Variants in ADGRL3 observed in about 807,000 individuals in gnomAD.
ADGRL3 encodes the protein calcium-independent alpha-latrotoxin receptor 3.
Under a neutral mutation model 153.5 loss-of-function variants are expected in ADGRL3, and 62 were observed. The observed-to-expected ratio is 0.40, with a 90% CI of 0.33 to 0.50. The LOEUF is 0.50. ADGRL3 is among the 20% of genes least tolerant of loss of function. The pLI, the probability that ADGRL3 is intolerant of heterozygous loss-of-function variation, is 0.47. For synonymous variants in ADGRL3, 710 were observed against 672.5 expected (o/e 1.06, Z -0.86); for missense variants, 1,641 against 1,859.4 (o/e 0.88, Z 2.16).
intron 4 of ADGRL3, among the ~76,000 whole-genome samples, chr4:61,549,552 A>G (rs1449101733): frequency 1.3e-5 from 2 of 151,920 alleles, no homozygotes; most frequent in African/African-American, 4.8e-5. Context: ...AAACAGGTTT[A>G]CCAGTTACTC....
At chr4:61,401,925 A>G (rs2096934517) in intron 2 of ADGRL3, among the ~76,000 whole-genome samples, 1 of 152,076 alleles carries the variant, frequency 6.6e-6, no homozygotes, top group Non-Finnish European at 1.5e-5. Flanking sequence ...GTAAAGGGCC[A>G]GATAGTAAAC....
intron 9 of ADGRL3, among the ~76,000 whole-genome samples, chr4:61,841,117 C>T (rs927750323): frequency 3.3e-5 from 5 of 152,256 alleles, no homozygotes; most frequent in South Asian, 2.1e-4. Flanking sequence ...CTTACCTCCT[C>T]CCCCTTTCTT....
In ADGRL3 at chr4:61,369,047, T is replaced by G. The variant is rs375072839; in HGVS notation, c.-239-14077T>G. 8.1e-4 allele frequency among the ~76,000 whole-genome samples: 123 copies of G among 152,320 alleles called. 2 individuals carry two copies. The South Asian group carries it at 0.025, about 31-fold the overall frequency. On this transcript the variant is annotated intron_variant, in intron 1 of 26. Coordinates refer to ENST00000683033, the MANE Select transcript of ADGRL3 (RefSeq NM_001387552.1). ...TCTCTGTTTGTCTGTTGTTGGTGTA[T>G]AGGAATGCTTGTGATTTGTGCACAT...
intron 1 of ADGRL3, among the ~76,000 whole-genome samples, chr4:61,332,485 C>T (rs993146958): frequency 1.3e-5 from 2 of 151,898 alleles, no homozygotes; most frequent in Non-Finnish European, 2.9e-5. Flanking sequence ...GCTTATAACG[C>T]CTGAGGATCA....
intron 12 of ADGRL3, among the ~76,000 whole-genome samples, chr4:61,910,983 G>T (rs958792528): frequency 3.3e-5 from 5 of 150,656 alleles, no homozygotes; most frequent in African/African-American, 1.2e-4. Context: ...TTTTCATTCT[G>T]AGCATAAAGG....
At chr4:61,288,441 T>A (rs578041249) in intron 1 of ADGRL3, among the ~76,000 whole-genome samples, 3 of 152,110 alleles carry the variant, frequency 2.0e-5, no homozygotes, top group African/African-American at 7.2e-5. Flanking sequence ...TGCTGTTTTT[T>A]AAAAATCTCT....
At chr4:61,329,846 A>C (rs2150944781) in intron 1 of ADGRL3, among the ~76,000 whole-genome samples, 1 of 152,320 alleles carries the variant, frequency 6.6e-6, no homozygotes, top group East Asian at 1.9e-4. Context: ...TCAGAAAAGA[A>C]TCATTTGAGT....
At position 62,071,836 on chromosome 4, in the gene ADGRL3, G is replaced by T. The variant is rs968945736; in HGVS notation, c.*928G>T. ...TTTATAAGAATCATTTTCTAGTAATGCAAACAAATTATTTTTTACAAAAAA... is the reference window on the plus strand; with the variant it reads ...TTTATAAGAATCATTTTCTAGTAATTCAAACAAATTATTTTTTACAAAAAA... On this transcript the variant is annotated 3_prime_UTR_variant, in exon 27 of 27. Coordinates refer to ENST00000683033, the MANE Select transcript of ADGRL3 (RefSeq NM_001387552.1). 1.2e-5 allele frequency: 4 copies of T among 337,446 alleles called. No homozygotes were observed. The highest frequency in any genetic ancestry group is 8.9e-5 in the African/African-American group (4 of 44,880). The allele number at this position is 337,446 out of a possible 1,614,324, so 20.9% of individuals were successfully genotyped here.
chr4:61,889,724 C>T (rs2098558579), intron 9 of ADGRL3, among the ~76,000 whole-genome samples: 1 of 152,228 alleles, frequency 6.6e-6, no homozygotes, highest in African/African-American at 2.4e-5. Flanking sequence ...TAAACCCATG[C>T]TAAAATACAT....
At chr4:61,935,201 C>A (rs769387677) in intron 14 of ADGRL3, among the ~76,000 whole-genome samples, 178 bp downstream of exon 14, 8 of 152,158 alleles carry the variant, frequency 5.3e-5, no homozygotes, top group Admixed American at 2.0e-4. Flanking sequence ...GATACAAGAT[C>A]ATGTGTGCTA....
intron 1 of ADGRL3, among the ~76,000 whole-genome samples, chr4:61,346,034 T>G (rs941276553): frequency 1.1e-4 from 16 of 152,134 alleles, no homozygotes; most frequent in African/African-American, 3.9e-4. Flanking sequence ...GCCCAGCTGC[T>G]CCTGCGCTCA....
chr4:61,769,643 G>GTACTGACCCTTT (rs1487570235), intron 8 of ADGRL3, among the ~76,000 whole-genome samples: 2 of 152,076 alleles, frequency 1.3e-5, no homozygotes, highest in Non-Finnish European at 2.9e-5. Flanking sequence ...TCCGAAAAGG[G>GTACTGACCCTTT]TCAGTGAAGG....
At chr4:61,761,169 G>A (rs2096908276) in intron 8 of ADGRL3, among the ~76,000 whole-genome samples, 2 of 152,198 alleles carry the variant, frequency 1.3e-5, no homozygotes. Context: ...GGGAGGGTCA[G>A]AATCTTGTAG....
chr4:61,791,466 G>C (rs2097340988), intron 8 of ADGRL3, among the ~76,000 whole-genome samples: 1 of 152,214 alleles, frequency 6.6e-6, no homozygotes, highest in African/African-American at 2.4e-5. Flanking sequence ...CTCTACCCCT[G>C]TGGCTTTGCA....
At chr4:61,901,937 A>G (rs1420578089) in intron 11 of ADGRL3, among the ~76,000 whole-genome samples, 1 of 152,162 alleles carries the variant, frequency 6.6e-6, no homozygotes, top group Non-Finnish European at 1.5e-5. Context: ...TTTTAGTAGA[A>G]TTTAGTAAAA....
At chr4:62,031,655 A>G in intron 23 of ADGRL3, 45 bp downstream of exon 23, 2 of 1,371,478 alleles carry the variant, frequency 1.5e-6, no homozygotes, top group Non-Finnish European at 1.0e-6. Context: ...CATACATTTC[A>G]TGATAGCAAA....
At chr4:61,929,579 C>T (rs951310821) in intron 13 of ADGRL3, among the ~76,000 whole-genome samples, 1 of 152,104 alleles carries the variant, frequency 6.6e-6, no homozygotes, top group Non-Finnish European at 1.5e-5. Flanking sequence ...TATGAGTTAT[C>T]CTGCATGGCA....
At chr4:61,287,613 T>C (rs544345016) in intron 1 of ADGRL3, among the ~76,000 whole-genome samples, 1 of 152,088 alleles carries the variant, frequency 6.6e-6, no homozygotes, top group African/African-American at 2.4e-5. Context: ...CATAGAAATG[T>C]AAAATCTTTA....
intron 9 of ADGRL3, among the ~76,000 whole-genome samples, chr4:61,881,572 T>C (rs1191553662): frequency 1.3e-5 from 2 of 152,170 alleles, no homozygotes; most frequent in African/African-American, 4.8e-5. Flanking sequence ...GAGACGGGGT[T>C]TCCCCATGTT....
Sources: gnomAD v4.1 joint callset for allele counts (sites outside exome capture counted in the v4.1 genomes callset) on GRCh38, gnomAD v4.1.1 for gene constraint, MANE v1.5 for transcripts, NCBI Gene and HGNC (gene_info 2026-07-23, HGNC 2026-07-21) for gene names.